Variants in ELP4 observed in about 807,000 individuals in gnomAD.
ELP4 encodes elongator complex protein 4.
In ELP4, 51 loss-of-function variants were observed where a neutral mutation model predicts 48.9. The ratio of observed to expected loss-of-function variants is 1.04; its 90% CI spans 0.83 to 1.32. ELP4 has a LOEUF of 1.32. ELP4 is among the 40% of genes most tolerant of loss of function. The pLI is 0.00. For synonymous variants in ELP4, 210 were observed against 189.2 expected, an observed-to-expected ratio of 1.11 and a Z score of -0.90; for missense variants, 519 against 514.6, an observed-to-expected ratio of 1.01 and a Z score of -0.08.
chr11:31,771,904 C>T lies in ELP4; in HGVS notation c.1144-11489C>T, dbSNP rs539196283. On this transcript the variant is annotated intron_variant, in intron 9 of 9. Coordinates refer to ENST00000640961, the MANE Select transcript of ELP4 (RefSeq NM_019040.5). ...GGCTGAGGCGGGAGAATGGCGTGAA[C>T]CCAGGAGGCGGAGGTTGCAGTGAGC... Among the ~76,000 whole-genome samples, 4 of 152,118 alleles carry T rather than the reference C, an allele frequency of 2.6e-5. No individual in the cohort carries two copies. The South Asian group carries it at 8.3e-4, about 32-fold the overall frequency.
At chr11:31,766,877 C>T (rs2134262530) in intron 9 of ELP4, among the ~76,000 whole-genome samples, 1 of 151,960 alleles carries the variant, frequency 6.6e-6, no homozygotes, top group South Asian at 2.1e-4. Flanking sequence ...AGCACATAAG[C>T]TATCTTAATG....
At chr11:31,575,485 T>A (rs560284122) in intron 3 of ELP4, among the ~76,000 whole-genome samples, 3 of 152,178 alleles carry the variant, frequency 2.0e-5, no homozygotes, top group Non-Finnish European at 4.4e-5. Context: ...AGACACATAA[T>A]TGTCAGACTC....
At chr11:31,692,868 T>C (rs1946309125) in intron 9 of ELP4, among the ~76,000 whole-genome samples, 1 of 152,148 alleles carries the variant, frequency 6.6e-6, no homozygotes, top group Admixed American at 6.6e-5. Context: ...CCACACCAAG[T>C]CTAGATTGAA....
chr11:31,530,960 G>GCTT (rs1396239993), intron 2 of ELP4, among the ~76,000 whole-genome samples: 1 of 152,118 alleles, frequency 6.6e-6, no homozygotes, highest in Non-Finnish European at 1.5e-5. Context: ...AATTACATTT[G>GCTT]CTTTTTGGCA....
In ELP4 at chr11:31,617,486, T is replaced by C. The variant is rs1944514615; in HGVS notation, c.654-9624T>C. Among the ~76,000 whole-genome samples the C allele has an allele frequency of 2.0e-5, 3 of 151,868 alleles. 1 individual carries two copies. In the South Asian group the frequency reaches 6.2e-4, roughly 31 times the overall value. The stretch of plus-strand genomic sequence containing the variant: ...GATAAGCAGTTTCAGTTTTACAAGA[T>C]AAAAAAGTTCTGGAGATCTGTTTAA... On this transcript the variant is annotated intron_variant, in intron 5 of 9. Coordinates refer to ENST00000640961, the MANE Select transcript of ELP4 (RefSeq NM_019040.5).
chr11:31,743,104 C>A (rs542187999), intron 9 of ELP4, among the ~76,000 whole-genome samples: 1 of 152,100 alleles, frequency 6.6e-6, no homozygotes, highest in South Asian at 2.1e-4. Flanking sequence ...TGCAATCCTA[C>A]TCTCTGATAA....
At chr11:31,538,846 A>T (rs1354312788) in intron 2 of ELP4, among the ~76,000 whole-genome samples, 1 of 151,990 alleles carries the variant, frequency 6.6e-6, no homozygotes, top group African/African-American at 2.4e-5. Flanking sequence ...ATGAGTTTAG[A>T]AGTGTTTCAT....
chr11:31,718,828 C>T (rs1565125492), intron 9 of ELP4, among the ~76,000 whole-genome samples: 1 of 152,082 alleles, frequency 6.6e-6, no homozygotes, highest in Non-Finnish European at 1.5e-5. Flanking sequence ...TCACATCTGC[C>T]GTACTTTATG....
At position 31,594,569 on chromosome 11, in the gene ELP4, T is replaced by C. The variant is rs1435079407; in HGVS notation, c.382-201T>C. Among the ~76,000 whole-genome samples, 30 of 152,142 alleles carry C rather than the reference T, an allele frequency of 2.0e-4. 1 individual carries two copies. The stretch of plus-strand genomic sequence containing the variant: ...TTTTCTTTAAATTCCAGTTTATTGC[T>C]AAAAAGTTAAACTTAAATGTTTGTA... On this transcript the variant is annotated intron_variant, in intron 3 of 9. Coordinates refer to ENST00000640961, the MANE Select transcript of ELP4 (RefSeq NM_019040.5).
At chr11:31,773,234 T>C (rs1948185005) in intron 9 of ELP4, among the ~76,000 whole-genome samples, 1 of 152,236 alleles carries the variant, frequency 6.6e-6, no homozygotes. Context: ...ATGCAAGTAA[T>C]CACAGCCAAA....
chr11:31,632,335 A>G lies in ELP4; in HGVS notation c.857A>G (p.Tyr286Cys), dbSNP rs747146993. Reference sequence around the variant, plus strand: ...AGTCACAGCCTTACCAAGTTCCTCTATGTTCTCCGTGGTCTTCTGAGAACC... The same window carrying G: ...AGTCACAGCCTTACCAAGTTCCTCTGTGTTCTCCGTGGTCTTCTGAGAACC... The part of the protein sequence containing the change: ...GNSHSLTKFL[Y>C]VLRGLLRTSL... The change falls in exon 7 of 10, where the codon TAT becomes TGT. Residue 286 changes from tyrosine (Y) to cysteine (C), a missense_variant. By Grantham distance (194) the Tyr-to-Cys change is radical (BLOSUM62 -2). Transcript: ENST00000640961. 20 of 1,613,450 alleles carry G rather than the reference A, an allele frequency of 1.2e-5. No homozygotes were observed. The highest frequency in any genetic ancestry group is 1.6e-4 in the Middle Eastern group (1 of 6,078).
chr11:31,608,459 G>A (rs918910601), intron 5 of ELP4, among the ~76,000 whole-genome samples: 4 of 152,006 alleles, frequency 2.6e-5, no homozygotes, highest in African/African-American at 9.7e-5. Flanking sequence ...AGGGAAATGG[G>A]GTATTGGGGA....
chr11:31,647,470 A>G lies in ELP4; in HGVS notation c.928-271A>G, dbSNP rs139290874. On this transcript the variant is annotated intron_variant, in intron 7 of 9. Transcript: ENST00000640961. Reference sequence around the variant, plus strand: ...GAAAAATAATCAATTTATGTTCTCTATCAGAACTAATAAATTTATGTCTTC... The same window carrying G: ...GAAAAATAATCAATTTATGTTCTCTGTCAGAACTAATAAATTTATGTCTTC... 4.2e-3 allele frequency: 1,144 copies of G among 274,562 alleles called. 14 individuals carry two copies. Among genetic ancestry groups the G allele is most frequent in the African/African-American group, 0.024 (1,066 of 45,012 alleles). 17.0% of individuals were successfully genotyped at this position (274,562 alleles called of 1,614,324 possible).
At chr11:31,744,983 A>G (rs989025112) in intron 9 of ELP4, among the ~76,000 whole-genome samples, 2 of 152,202 alleles carry the variant, frequency 1.3e-5, no homozygotes, top group Non-Finnish European at 2.9e-5. Context: ...TTGTATATCT[A>G]GAAAACCCCA....
intron 3 of ELP4, among the ~76,000 whole-genome samples, chr11:31,550,100 G>C (rs1956817720): frequency 6.6e-6 from 1 of 151,710 alleles, no homozygotes; most frequent in Non-Finnish European, 1.5e-5. Flanking sequence ...CCTGCACATT[G>C]TGCACATGTA....
intron 3 of ELP4, among the ~76,000 whole-genome samples, chr11:31,557,081 CAT>C (rs1220166277): frequency 6.6e-6 from 1 of 151,830 alleles, no homozygotes. Flanking sequence ...TAAACCATAT[CAT>C]ATTTTATGAA....
intron 9 of ELP4, among the ~76,000 whole-genome samples, chr11:31,742,122 G>A (rs1310704723): frequency 6.6e-6 from 1 of 152,176 alleles, no homozygotes; most frequent in South Asian, 2.1e-4. Flanking sequence ...TAGCCGATGC[G>A]ATTAACTGGA....
At chr11:31,741,890 G>C (rs1474550894) in intron 9 of ELP4, among the ~76,000 whole-genome samples, 1 of 152,192 alleles carries the variant, frequency 6.6e-6, no homozygotes, top group African/African-American at 2.4e-5. Context: ...AACAAAGCTG[G>C]ACAGAGAATG....
intron 9 of ELP4, among the ~76,000 whole-genome samples, chr11:31,746,711 G>T (rs181927677): frequency 6.6e-6 from 1 of 152,008 alleles, no homozygotes; most frequent in Non-Finnish European, 1.5e-5. Context: ...ACACAGGAAG[G>T]GGAACATCAC....
Sources: gnomAD v4.1 joint callset for allele counts (sites outside exome capture counted in the v4.1 genomes callset) on GRCh38, gnomAD v4.1.1 for gene constraint, MANE v1.5 for transcripts, NCBI Gene and HGNC (gene_info 2026-07-23, HGNC 2026-07-21) for gene names.